Variants in GREB1L observed in about 807,000 individuals in gnomAD.
GREB1L encodes the protein GREB1 like retinoic acid receptor coactivator, also known as GREB1-like protein.
In GREB1L, 17 loss-of-function variants were observed where a neutral mutation model predicts 200.8. That is an observed-to-expected ratio of 0.08 (90% CI 0.06 to 0.13). GREB1L has a LOEUF of 0.13. GREB1L is among the 10% of genes least tolerant of loss of function. The pLI, the probability that GREB1L is intolerant of heterozygous loss-of-function variation, is 1.00. For missense variants in GREB1L, 1,657 were observed against 2,367.7 expected (o/e 0.70, Z 6.23); for synonymous variants, 789 against 893.0 (o/e 0.88, Z 2.08).
At chr18:21,310,818 T>G (rs2038778431) in intron 1 of GREB1L, among the ~76,000 whole-genome samples, 1 of 152,178 alleles carries the variant, frequency 6.6e-6, no homozygotes, top group African/African-American at 2.4e-5. Flanking sequence ...GTTAAAAAAA[T>G]AGAAAAAAAT....
At chr18:21,263,252 C>T (rs1157985395) in intron 1 of GREB1L, among the ~76,000 whole-genome samples, 2 of 152,136 alleles carry the variant, frequency 1.3e-5, no homozygotes, top group African/African-American at 4.8e-5. Context: ...GCTGAATCAG[C>T]ACGTTTGGTT....
At chr18:21,384,664 A>T (rs555790537) in intron 4 of GREB1L, among the ~76,000 whole-genome samples, 1 of 152,280 alleles carries the variant, frequency 6.6e-6, no homozygotes, top group East Asian at 1.9e-4. Flanking sequence ...TGGTCTGTTT[A>T]GAATTGCAGA....
Position 21,504,997 on chromosome 18 carries a change from G to A in GREB1L, c.4073-415G>A, listed in dbSNP as rs182716449. On this transcript the variant is annotated intron_variant, in intron 23 of 32. Coordinates refer to ENST00000424526, the MANE Select transcript of GREB1L (RefSeq NM_001142966.3). ...GGCCTGAGTGTGGGAATTTTTACCA[G>A]CTCCCAGCTGATTGTAACGTGCGGA... 2.5e-3 allele frequency among the ~76,000 whole-genome samples: 384 copies of A among 152,296 alleles called. 1 individual carries two copies. The Middle Eastern group carries it at 0.034, about 13-fold the overall frequency.
chr18:21,451,265 C>T (rs2145425935), intron 13 of GREB1L, 114 bp downstream of exon 13: 1 of 1,159,900 alleles, frequency 8.6e-7, no homozygotes, highest in Non-Finnish European at 1.2e-6. Context: ...GCTGATCTTT[C>T]ATTTGAAATG....
chr18:21,297,006 A>T (rs184356472), intron 1 of GREB1L, among the ~76,000 whole-genome samples: 135 of 152,238 alleles, frequency 8.9e-4, no homozygotes, highest in Non-Finnish European at 9.7e-4. Context: ...TTTACACATG[A>T]TTTTAGTGTA....
intron 23 of GREB1L, among the ~76,000 whole-genome samples, chr18:21,502,491 T>C (rs1254451629): frequency 7.9e-5 from 12 of 152,158 alleles, no homozygotes; most frequent in Admixed American, 7.9e-4. Context: ...ACCTGTTCCA[T>C]GACCAGCCCA....
At chr18:21,456,535 G>A (rs2034772384) in intron 15 of GREB1L, among the ~76,000 whole-genome samples, 1 of 152,068 alleles carries the variant, frequency 6.6e-6, no homozygotes, top group African/African-American at 2.4e-5. Context: ...CTGACTGACA[G>A]TACATTTTTC....
intron 15 of GREB1L, among the ~76,000 whole-genome samples, chr18:21,465,967 T>C (rs1281436341): frequency 6.6e-6 from 1 of 152,164 alleles, no homozygotes; most frequent in African/African-American, 2.4e-5. Context: ...CTTTTATTTA[T>C]AGTTTTACCA....
chr18:21,504,831 G>A (rs2036947010), intron 23 of GREB1L, among the ~76,000 whole-genome samples: 1 of 152,158 alleles, frequency 6.6e-6, no homozygotes. Flanking sequence ...GTGTGACGCT[G>A]TAAGGGGTAG....
chr18:21,349,959 C>G (rs2039409413), intron 1 of GREB1L, among the ~76,000 whole-genome samples: 1 of 152,160 alleles, frequency 6.6e-6, no homozygotes, highest in African/African-American at 2.4e-5. Context: ...AGGTTGGGGA[C>G]TGCTGCTTTA....
chr18:21,455,539 AGGT>A (rs2034717537), intron 15 of GREB1L, among the ~76,000 whole-genome samples: 1 of 152,008 alleles, frequency 6.6e-6, no homozygotes, highest in Admixed American at 6.6e-5. Context: ...AAAATTAGCC[AGGT>A]GGTAGTGGCA....
chr18:21,282,877 C>T (rs1408313979), intron 1 of GREB1L, among the ~76,000 whole-genome samples: 3 of 152,156 alleles, frequency 2.0e-5, no homozygotes, highest in Non-Finnish European at 4.4e-5. Flanking sequence ...GGATTACAGG[C>T]GTGAGCCACT....
At chr18:21,412,953 C>T (rs1261251638) in intron 7 of GREB1L, among the ~76,000 whole-genome samples, 1 of 151,890 alleles carries the variant, frequency 6.6e-6, no homozygotes, top group African/African-American at 2.4e-5. Context: ...ATGTTTGTGT[C>T]TTCTGAGTTT....
intron 11 of GREB1L, among the ~76,000 whole-genome samples, chr18:21,447,342 A>C (rs1183848989): frequency 6.6e-6 from 1 of 152,180 alleles, no homozygotes; most frequent in Non-Finnish European, 1.5e-5. Context: ...AAAAAGTGAT[A>C]GTTGATTTTT....
At chr18:21,351,567 T>C (rs1433521103) in intron 1 of GREB1L, among the ~76,000 whole-genome samples, 2 of 151,330 alleles carry the variant, frequency 1.3e-5, no homozygotes, top group Admixed American at 6.6e-5. Context: ...AGTGAGACTT[T>C]GTCTTAAAAA....
intron 1 of GREB1L, among the ~76,000 whole-genome samples, chr18:21,277,767 A>C (rs372389635): frequency 1.3e-4 from 20 of 152,246 alleles, no homozygotes; most frequent in East Asian, 1.2e-3. Context: ...GTCATACCGC[A>C]TGAGCCACCA....
intron 7 of GREB1L, among the ~76,000 whole-genome samples, chr18:21,432,711 T>C (rs1013927560): frequency 1.8e-4 from 26 of 141,992 alleles, no homozygotes; most frequent in African/African-American, 4.5e-4. Context: ...TTTTCTTTTT[T>C]TTTTTTTTTT....
Position 21,322,440 on chromosome 18 carries a change from A to T in GREB1L, c.-119-43587A>T, listed in dbSNP as rs150982813. On this transcript the variant is annotated intron_variant, in intron 1 of 32. Coordinates refer to ENST00000424526, the MANE Select transcript of GREB1L (RefSeq NM_001142966.3). ...AAACTTTAAAATGCTACTTAGGACC[A>T]CAAAAGAAGGCTAATCTGTGTTCTT... Among the ~76,000 whole-genome samples, 1,102 of 152,286 alleles carry T rather than the reference A, an allele frequency of 7.2e-3. 18 individuals are homozygous for T. Among genetic ancestry groups the T allele is most frequent in the African/African-American group, 0.025 (1,054 of 41,572 alleles).
intron 1 of GREB1L, among the ~76,000 whole-genome samples, chr18:21,251,152 C>G (rs1232080385): frequency 6.6e-6 from 1 of 151,998 alleles, no homozygotes; most frequent in Non-Finnish European, 1.5e-5. Flanking sequence ...GGCTCTATCT[C>G]TAAAAACAAA....
Sources: allele counts gnomAD v4.1 joint callset (sites outside exome capture counted in the v4.1 genomes callset), GRCh38; gene constraint gnomAD v4.1.1; transcripts MANE v1.5; gene names NCBI Gene and HGNC (gene_info 2026-07-23, HGNC 2026-07-21).